PAG1: variants seen among roughly 807,000 people sequenced by gnomAD.
The protein encoded by PAG1 is phosphoprotein associated with glycosphingolipid-enriched microdomains 1.
Under a neutral mutation model 31.7 loss-of-function variants are expected in PAG1, and 23 were observed. The ratio of observed to expected loss-of-function variants is 0.73; its 90% CI spans 0.52 to 1.03. The LOEUF is 1.03. Among genes scored for constraint, PAG1 ranks in the 50% least tolerant of loss-of-function variants. The probability of loss-of-function intolerance (pLI) is 0.00; values close to 1 mark genes in which losing one functional copy is unlikely to be tolerated. For synonymous variants in PAG1, 214 were observed against 210.3 expected, an observed-to-expected ratio of 1.02 and a Z score of -0.15; for missense variants, 473 against 540.7, an observed-to-expected ratio of 0.87 and a Z score of 1.24.
At chr8:81,023,341 C>G (rs995725038) in intron 3 of PAG1, among the ~76,000 whole-genome samples, 8 of 151,738 alleles carry the variant, frequency 5.3e-5, no homozygotes, top group Admixed American at 1.3e-4. Context: ...GGTTTTGGGA[C>G]CAATTATATA....
chr8:81,025,568 C>T (rs1808261155), intron 3 of PAG1, among the ~76,000 whole-genome samples: 1 of 152,140 alleles, frequency 6.6e-6, no homozygotes, highest in Non-Finnish European at 1.5e-5. Flanking sequence ...GGTCGTGCTA[C>T]ACCACCGTGC....
intron 4 of PAG1, among the ~76,000 whole-genome samples, chr8:80,991,846 A>C (rs2130496200): frequency 6.7e-6 from 1 of 149,406 alleles, no homozygotes; most frequent in South Asian, 2.1e-4. Flanking sequence ...AAACTAGCAG[A>C]GTAAGTTATA....
intron 1 of PAG1, among the ~76,000 whole-genome samples, chr8:81,101,856 TAAG>T (rs1294039756): frequency 2.0e-5 from 3 of 152,074 alleles, no homozygotes; most frequent in Non-Finnish European, 2.9e-5. Flanking sequence ...TAAAATTCAA[TAAG>T]AATAAGAAAA....
chr8:81,048,354 C>T (rs1034294504), intron 2 of PAG1, among the ~76,000 whole-genome samples: 2 of 152,108 alleles, frequency 1.3e-5, no homozygotes, highest in African/African-American at 4.8e-5. Context: ...ATTTACTCTA[C>T]CCAAGGGGAG....
At chr8:81,032,844 T>C (rs1808398626) in intron 2 of PAG1, among the ~76,000 whole-genome samples, 1 of 152,222 alleles carries the variant, frequency 6.6e-6, no homozygotes, top group South Asian at 2.1e-4. Flanking sequence ...AATGGGTATA[T>C]ACAAAATGTG....
intron 2 of PAG1, among the ~76,000 whole-genome samples, chr8:81,055,818 AC>A (rs1224448671): frequency 2.0e-5 from 3 of 151,988 alleles, no homozygotes; most frequent in Non-Finnish European, 1.5e-5. Context: ...GTATCCTGAG[AC>A]TTTGCTGAAA....
At chr8:81,021,758 C>G (rs1460309485) in intron 3 of PAG1, among the ~76,000 whole-genome samples, 1 of 151,894 alleles carries the variant, frequency 6.6e-6, no homozygotes, top group Non-Finnish European at 1.5e-5. Flanking sequence ...AAGAATTCGA[C>G]ATTTAGAAGG....
At chr8:80,999,368 G>C (rs1807744114) in intron 3 of PAG1, among the ~76,000 whole-genome samples, 1 of 152,208 alleles carries the variant, frequency 6.6e-6, no homozygotes, top group Non-Finnish European at 1.5e-5. Flanking sequence ...AAAGCACAGA[G>C]GGTGGTGGAA....
intron 5 of PAG1, among the ~76,000 whole-genome samples, chr8:80,988,339 C>G (rs901305834): frequency 3.3e-5 from 5 of 152,210 alleles, no homozygotes; most frequent in Admixed American, 2.0e-4. Flanking sequence ...AGACTTAAAT[C>G]TGGTCAGAGA....
intron 2 of PAG1, among the ~76,000 whole-genome samples, chr8:81,065,016 G>T (rs1006556841): frequency 6.6e-6 from 1 of 152,110 alleles, no homozygotes; most frequent in African/African-American, 2.4e-5. Flanking sequence ...CACCTTTAAG[G>T]CTTCTCCCAA....
chr8:81,041,607 A>G (rs911907854), intron 2 of PAG1, among the ~76,000 whole-genome samples: 2 of 152,204 alleles, frequency 1.3e-5, no homozygotes, highest in Admixed American at 6.5e-5. Context: ...AACTTTTAAA[A>G]AGTAAACATA....
At chr8:81,111,271 G>A (rs1809769118) in intron 1 of PAG1, among the ~76,000 whole-genome samples, 1 of 152,174 alleles carries the variant, frequency 6.6e-6, no homozygotes, top group African/African-American at 2.4e-5. Context: ...ACAAGACCCT[G>A]CCCAGCCCCT....
chr8:81,098,336 C>T (rs1226354561), intron 1 of PAG1, among the ~76,000 whole-genome samples: 1 of 152,212 alleles, frequency 6.6e-6, no homozygotes, highest in Non-Finnish European at 1.5e-5. Flanking sequence ...GGACTGGCGT[C>T]CTACTTCTGA....
rs1453582731 is a variant in PAG1 at position 80,970,602 on chromosome 8, G to T, written c.*5942C>A. On this transcript the variant is annotated 3_prime_UTR_variant, in exon 9 of 9. Coordinates refer to ENST00000220597, the MANE Select transcript of PAG1 (RefSeq NM_018440.4). The stretch of plus-strand genomic sequence containing the variant: ...CTGTGGGGAACACTAAGCTTACTTG[G>T]TTAGAGCACGGCACTAACATTTCTG... 1 of 152,644 alleles carries T rather than the reference G, an allele frequency of 6.6e-6. No homozygotes were observed. Among genetic ancestry groups the T allele is most frequent in the Non-Finnish European group, 1.5e-5 (1 of 68,062 alleles). 9.5% of individuals were successfully genotyped at this position (152,644 alleles called of 1,614,324 possible).
intron 2 of PAG1, among the ~76,000 whole-genome samples, chr8:81,063,100 G>A (rs1453753310): frequency 6.6e-6 from 1 of 152,154 alleles, no homozygotes; most frequent in East Asian, 1.9e-4. Flanking sequence ...TGAGAAACTT[G>A]GAATTTAAAT....
At chr8:81,032,606 C>A (rs1808394510) in intron 2 of PAG1, among the ~76,000 whole-genome samples, 1 of 152,172 alleles carries the variant, frequency 6.6e-6, no homozygotes, top group African/African-American at 2.4e-5. Context: ...GATATCAGAA[C>A]CCCATGCCCT....
At position 80,973,881 on chromosome 8, in the gene PAG1, G is replaced by T. The variant is rs1443009106; in HGVS notation, c.*2663C>A. 1.3e-5 allele frequency: 2 copies of T among 152,194 alleles called. No individual in the cohort carries two copies. The highest frequency in any genetic ancestry group is 1.3e-4 in the Admixed American group (2 of 15,274). The allele number at this position is 152,194 out of a possible 1,614,324, so 9.4% of individuals were successfully genotyped here. ...CAAATAGCTGAGCCATCTTTCTAAG[G>T]TTCACTCTGCTTCTCTCCCCCAGCC... is the stretch of plus-strand genomic sequence containing the variant. On this transcript the variant is annotated 3_prime_UTR_variant, in exon 9 of 9. Transcript: ENST00000220597.
intron 2 of PAG1, among the ~76,000 whole-genome samples, chr8:81,051,387 T>TTTCTCTA (rs1269064419): frequency 1.3e-5 from 2 of 152,228 alleles, no homozygotes; most frequent in African/African-American, 4.8e-5. Flanking sequence ...TACTTAGGTA[T>TTTCTCTA]TTCTCTATTT....
chr8:81,013,165 T>C (rs953781935), intron 3 of PAG1, among the ~76,000 whole-genome samples: 4 of 152,238 alleles, frequency 2.6e-5, no homozygotes, highest in Non-Finnish European at 5.9e-5. Context: ...CACCCCAGGA[T>C]ATTGGCTCCT....
Sources: gnomAD v4.1 joint callset for allele counts (sites outside exome capture counted in the v4.1 genomes callset) on GRCh38, gnomAD v4.1.1 for gene constraint, MANE v1.5 for transcripts, NCBI Gene and HGNC (gene_info 2026-07-23, HGNC 2026-07-21) for gene names.